TCF12: variants seen among roughly 807,000 people sequenced by gnomAD.
The protein encoded by TCF12 is DNA-binding protein HTF4.
A neutral mutation model predicts 86.0 loss-of-function variants in TCF12; 45 were observed. The observed-to-expected ratio is 0.52, with a 90% CI of 0.41 to 0.67. TCF12 has a LOEUF of 0.67. Ranked by LOEUF, TCF12 falls within the 30% of genes least tolerant of loss-of-function variation. The pLI, the probability that TCF12 is intolerant of heterozygous loss-of-function variation, is 0.00. For missense variants in TCF12, 881 were observed against 859.9 expected (o/e 1.02, Z -0.31); for synonymous variants, 330 against 299.6 (o/e 1.10, Z -1.05).
chr15:57,235,676 A>G (rs772447454), intron 12 of TCF12, among the ~76,000 whole-genome samples: 1 of 152,242 alleles, frequency 6.6e-6, no homozygotes, highest in Non-Finnish European at 1.5e-5. Flanking sequence ...CCTTCTCCTG[A>G]TTCTGGAAGA....
chr15:57,236,518 G>A (rs1018408881), intron 12 of TCF12, among the ~76,000 whole-genome samples: 3 of 152,248 alleles, frequency 2.0e-5, no homozygotes. Flanking sequence ...TCTGGTTTTA[G>A]ATGGAGAAAC....
At chr15:57,159,078 A>G (rs1047928348) in intron 5 of TCF12, among the ~76,000 whole-genome samples, 1 of 152,258 alleles carries the variant, frequency 6.6e-6, no homozygotes, top group South Asian at 2.1e-4. Flanking sequence ...AATAAAGTCT[A>G]TAATTCTGAC....
At chr15:57,118,077 C>T (rs1301929204) in intron 5 of TCF12, among the ~76,000 whole-genome samples, 1 of 152,106 alleles carries the variant, frequency 6.6e-6, no homozygotes, top group African/African-American at 2.4e-5. Flanking sequence ...TCTGCAGTGT[C>T]TAGGATGAGG....
intron 3 of TCF12, among the ~76,000 whole-genome samples, chr15:57,037,644 C>T (rs2066599701): frequency 1.3e-5 from 2 of 152,112 alleles, no homozygotes; most frequent in Non-Finnish European, 2.9e-5. Context: ...AGCATATGTT[C>T]CGTTTCTTTG....
At chr15:57,056,048 G>T (rs1408259342) in intron 3 of TCF12, among the ~76,000 whole-genome samples, 1 of 150,770 alleles carries the variant, frequency 6.6e-6, no homozygotes, top group Non-Finnish European at 1.5e-5. Context: ...TGTTACCCCT[G>T]TTATCTCCAT....
chr15:57,127,518 A>G (rs2051760160), intron 5 of TCF12, among the ~76,000 whole-genome samples: 1 of 152,170 alleles, frequency 6.6e-6, no homozygotes, highest in Non-Finnish European at 1.5e-5. Flanking sequence ...ATCTCCTTAC[A>G]TTTCAGGATT....
intron 4 of TCF12, among the ~76,000 whole-genome samples, chr15:57,067,005 T>C (rs1234092268): frequency 6.6e-6 from 1 of 152,224 alleles, no homozygotes; most frequent in East Asian, 1.9e-4. Context: ...ACCTGAGTTA[T>C]GTATTAAGCG....
chr15:57,020,957 A>G (rs1233636845), intron 3 of TCF12, among the ~76,000 whole-genome samples: 4 of 152,182 alleles, frequency 2.6e-5, no homozygotes, highest in Admixed American at 2.6e-4. Flanking sequence ...TATGAGATAG[A>G]TGAAGAGGGT....
At chr15:57,212,247 A>C (rs1293962196) in intron 8 of TCF12, among the ~76,000 whole-genome samples, 1 of 152,094 alleles carries the variant, frequency 6.6e-6, no homozygotes, top group African/African-American at 2.4e-5. Flanking sequence ...CTGCAGTTAC[A>C]TGGCTTTGAG....
At chr15:57,228,244 A>G (rs1240341390) in intron 8 of TCF12, among the ~76,000 whole-genome samples, 1 of 152,064 alleles carries the variant, frequency 6.6e-6, no homozygotes, top group Non-Finnish European at 1.5e-5. Context: ...GCTTCATAAC[A>G]TTGCATCTAT....
chr15:57,092,781 T>G lies in TCF12; in HGVS notation c.325+890T>G, dbSNP rs934131738. 1.5e-4 allele frequency among the ~76,000 whole-genome samples: 23 copies of G among 152,200 alleles called. 1 individual carries two copies. The highest frequency in any genetic ancestry group is 1.5e-4 in the Non-Finnish European group (10 of 68,032). On this transcript the variant is annotated intron_variant, in intron 5 of 20. Transcript: ENST00000333725. ...TGGCATCATATAAATATGGAAAGTT[T>G]GTGTAATTGACATTGATTTCATTAC... is the stretch of plus-strand genomic sequence containing the variant.
intron 3 of TCF12, among the ~76,000 whole-genome samples, chr15:57,006,600 A>G (rs764489839): frequency 2.0e-4 from 30 of 151,426 alleles, no homozygotes; most frequent in African/African-American, 7.0e-4. Flanking sequence ...CGAGATAGCT[A>G]TTCATTTAAA....
At chr15:57,258,806 G>T (rs569835165) in intron 16 of TCF12, among the ~76,000 whole-genome samples, 2 of 152,108 alleles carry the variant, frequency 1.3e-5, no homozygotes, top group Non-Finnish European at 2.9e-5. Context: ...AAAGCAATTA[G>T]AGAAACTATA....
intron 14 of TCF12, among the ~76,000 whole-genome samples, chr15:57,251,904 TG>T (rs796068211): frequency 2.0e-5 from 3 of 152,142 alleles, no homozygotes; most frequent in African/African-American, 4.8e-5. Context: ...TGTTTTCTTA[TG>T]GAAAAAAAAG....
intron 18 of TCF12, among the ~76,000 whole-genome samples, chr15:57,271,682 G>A (rs1803399466): frequency 6.6e-6 from 1 of 152,142 alleles, no homozygotes; most frequent in African/African-American, 2.4e-5. Flanking sequence ...GATCTCACTG[G>A]GAGCTGTAGA....
At chr15:57,055,166 C>T (rs888538292) in intron 3 of TCF12, among the ~76,000 whole-genome samples, 4 of 152,132 alleles carry the variant, frequency 2.6e-5, no homozygotes, top group South Asian at 2.1e-4. Flanking sequence ...TTTGGGAGGC[C>T]GAAGCAGGCG....
At chr15:56,962,954 T>A (rs545468962) in intron 3 of TCF12, among the ~76,000 whole-genome samples, 1 of 152,244 alleles carries the variant, frequency 6.6e-6, no homozygotes, top group East Asian at 1.9e-4. Context: ...TGCTCATGAT[T>A]TATATATTTA....
intron 8 of TCF12, among the ~76,000 whole-genome samples, chr15:57,216,028 G>T (rs2058317815): frequency 6.6e-6 from 1 of 152,004 alleles, no homozygotes; most frequent in African/African-American, 2.4e-5. Flanking sequence ...TTCCTATATC[G>T]TCAGTAAAGA....
intron 8 of TCF12, among the ~76,000 whole-genome samples, chr15:57,212,310 G>T (rs980288229): frequency 7.9e-5 from 12 of 151,900 alleles, no homozygotes; most frequent in African/African-American, 2.7e-4. Context: ...TCTAGAGACG[G>T]TCTCTCTCTG....
Sources: allele counts gnomAD v4.1 joint callset (sites outside exome capture counted in the v4.1 genomes callset), GRCh38; gene constraint gnomAD v4.1.1; transcripts MANE v1.5; gene names NCBI Gene and HGNC (gene_info 2026-07-23, HGNC 2026-07-21).